Variants in SLC35F4 observed in about 807,000 individuals in gnomAD.
SLC35F4 encodes chromosome 14 open reading frame 36.
Under a neutral mutation model 44.2 loss-of-function variants are expected in SLC35F4, and 24 were observed. The ratio of observed to expected loss-of-function variants is 0.54; its 90% CI spans 0.39 to 0.76. The LOEUF is 0.76. Ranked by LOEUF, SLC35F4 falls within the 30% of genes least tolerant of loss-of-function variation. SLC35F4 has a pLI of 0.00. For synonymous variants in SLC35F4, 238 were observed against 223.6 expected (o/e 1.06, Z -0.57); for missense variants, 562 against 586.1 (o/e 0.96, Z 0.42).
intron 1 of SLC35F4, among the ~76,000 whole-genome samples, chr14:57,936,929 G>A (rs1365248700): frequency 1.3e-5 from 2 of 152,286 alleles, no homozygotes; most frequent in East Asian, 1.9e-4. Flanking sequence ...TTATCCAAAA[G>A]GAGAGTCCAT....
chr14:57,680,155 CATCAAAAAGCTTATCCACCACG>C (rs2074845364), intron 1 of SLC35F4, among the ~76,000 whole-genome samples: 1 of 152,122 alleles, frequency 6.6e-6, no homozygotes, highest in Non-Finnish European at 1.5e-5. Flanking sequence ...TCCAGCAGCA[CATCAAAAAGCTTATCCACCACG>C]ATCAAGTCAG....
intron 4 of SLC35F4, among the ~76,000 whole-genome samples, chr14:57,578,318 T>G (rs1490422660): frequency 1.5e-5 from 2 of 134,288 alleles, no homozygotes; most frequent in African/African-American, 2.7e-5. Flanking sequence ...AAAGCATCCC[T>G]TTAACTGTTT....
At chr14:57,757,727 C>T (rs1253098373) in intron 1 of SLC35F4, among the ~76,000 whole-genome samples, 2 of 151,922 alleles carry the variant, frequency 1.3e-5, no homozygotes, top group African/African-American at 4.8e-5. Context: ...TGTTATAAAC[C>T]CCAGACTATA....
Position 57,572,183 on chromosome 14 carries a change from T to C in SLC35F4, c.808-164A>G, listed in dbSNP as rs140610006. ...GCTCAGTATTAGAAATAAATCAATA[T>C]GTTCATGAGATATCCAGGCACAGAA... On this transcript the variant is annotated intron_variant, in intron 4 of 7. Coordinates refer to ENST00000556826, the MANE Select transcript of SLC35F4 (RefSeq NM_001306087.2). 6.2e-3 allele frequency among the ~76,000 whole-genome samples: 938 copies of C among 152,306 alleles called. 25 individuals are homozygous for C. Among genetic ancestry groups the C allele is most frequent in the East Asian group, 0.037 (193 of 5,190 alleles).
intron 1 of SLC35F4, among the ~76,000 whole-genome samples, chr14:57,819,978 C>T (rs1882997235): frequency 6.6e-6 from 1 of 151,958 alleles, no homozygotes; most frequent in Non-Finnish European, 1.5e-5. Flanking sequence ...ATATGAAAAC[C>T]CAATACATGA....
intron 1 of SLC35F4, among the ~76,000 whole-genome samples, chr14:57,959,261 T>C (rs1402175338): frequency 6.6e-6 from 1 of 152,230 alleles, no homozygotes; most frequent in Non-Finnish European, 1.5e-5. Flanking sequence ...TTTGTCACCT[T>C]CTATTATGGC....
At chr14:57,725,597 A>G (rs1411768090) in intron 1 of SLC35F4, among the ~76,000 whole-genome samples, 1 of 152,242 alleles carries the variant, frequency 6.6e-6, no homozygotes, top group East Asian at 1.9e-4. Flanking sequence ...CAGCAAAAGA[A>G]GTGTGGCAGT....
chr14:57,606,535 T>G (rs2071177416), intron 1 of SLC35F4, among the ~76,000 whole-genome samples: 1 of 152,222 alleles, frequency 6.6e-6, no homozygotes, highest in African/African-American at 2.4e-5. Context: ...TTTCTTCATT[T>G]GAACCTTTGT....
At chr14:57,665,614 C>A (rs1433604523) in intron 1 of SLC35F4, among the ~76,000 whole-genome samples, 2 of 152,202 alleles carry the variant, frequency 1.3e-5, no homozygotes, top group Non-Finnish European at 2.9e-5. Flanking sequence ...TTCAACCCAG[C>A]AATCCCATTA....
intron 1 of SLC35F4, among the ~76,000 whole-genome samples, chr14:57,918,956 A>C (rs1889386052): frequency 6.6e-6 from 1 of 152,222 alleles, no homozygotes; most frequent in Admixed American, 6.5e-5. Flanking sequence ...CCCCTTCTGT[A>C]GTGTGCATTT....
At chr14:57,968,206 T>C (rs537786260) in intron 1 of SLC35F4, among the ~76,000 whole-genome samples, 1 of 152,312 alleles carries the variant, frequency 6.6e-6, no homozygotes, top group South Asian at 2.1e-4. Context: ...GGAGCATAGC[T>C]AAAGGCACTC....
chr14:57,841,986 A>G (rs1331427567), intron 1 of SLC35F4, among the ~76,000 whole-genome samples: 2 of 152,230 alleles, frequency 1.3e-5, no homozygotes, highest in African/African-American at 2.4e-5. Flanking sequence ...TATAATGATC[A>G]CTTTTCTGAT....
At chr14:57,806,915 A>T (rs1361252578) in intron 1 of SLC35F4, among the ~76,000 whole-genome samples, 1 of 152,220 alleles carries the variant, frequency 6.6e-6, no homozygotes, top group African/African-American at 2.4e-5. Flanking sequence ...ATTGCTACTA[A>T]TAACTATTGT....
chr14:57,978,424 C>T (rs1462296570), intron 1 of SLC35F4, among the ~76,000 whole-genome samples: 3 of 152,220 alleles, frequency 2.0e-5, no homozygotes, highest in Non-Finnish European at 4.4e-5. Flanking sequence ...TCTGCCCTAT[C>T]TGCATGGTAT....
intron 1 of SLC35F4, among the ~76,000 whole-genome samples, chr14:57,759,808 T>C (rs62003426): frequency 0.034 from 5,206 of 152,206 alleles, 133 homozygotes; most frequent in South Asian, 0.059. Context: ...TATTTCTATA[T>C]CTTCTTTGAA....
intron 1 of SLC35F4, among the ~76,000 whole-genome samples, chr14:57,776,634 C>T (rs557131117): frequency 6.2e-4 from 85 of 137,258 alleles, no homozygotes; most frequent in African/African-American, 2.2e-3. Flanking sequence ...CCACTGCACT[C>T]CAGCTTGGGC....
At chr14:57,610,908 A>T (rs759703114) in intron 1 of SLC35F4, among the ~76,000 whole-genome samples, 1 of 152,264 alleles carries the variant, frequency 6.6e-6, no homozygotes, top group Non-Finnish European at 1.5e-5. Context: ...ACACATAAAC[A>T]TATGGATAGA....
intron 1 of SLC35F4, among the ~76,000 whole-genome samples, chr14:57,852,461 C>G (rs1372373891): frequency 6.6e-6 from 1 of 152,198 alleles, no homozygotes; most frequent in African/African-American, 2.4e-5. Flanking sequence ...CAGGAGGCCA[C>G]TAACGACTTT....
intron 1 of SLC35F4, among the ~76,000 whole-genome samples, chr14:57,880,032 G>T (rs1011512037): frequency 9.4e-6 from 1 of 106,126 alleles, no homozygotes; most frequent in African/African-American, 4.9e-5. Context: ...AAGGAAAGGA[G>T]GGAGGAAGGA....
Sources: gnomAD v4.1 joint callset for allele counts (sites outside exome capture counted in the v4.1 genomes callset) on GRCh38, gnomAD v4.1.1 for gene constraint, MANE v1.5 for transcripts, NCBI Gene and HGNC (gene_info 2026-07-23, HGNC 2026-07-21) for gene names.